Variants in GRIN2B observed in about 807,000 individuals in gnomAD.
GRIN2B encodes the protein glutamate receptor ionotropic, NMDA 2B.
In GRIN2B, 5 loss-of-function variants were observed where a neutral mutation model predicts 114.5. The observed-to-expected ratio is 0.04, with a 90% CI of 0.02 to 0.09. The LOEUF (loss-of-function observed/expected upper bound fraction) is 0.09, where lower values mean the gene tolerates loss of function less well. Ranked by LOEUF, GRIN2B falls within the 10% of genes least tolerant of loss-of-function variation. The probability of loss-of-function intolerance (pLI) is 1.00; values close to 1 mark genes in which losing one functional copy is unlikely to be tolerated. For synonymous variants in GRIN2B, 787 were observed against 745.1 expected (o/e 1.06, Z -0.92); for missense variants, 1,108 against 1,943.5 (o/e 0.57, Z 8.08).
intron 2 of GRIN2B, among the ~76,000 whole-genome samples, chr12:13,875,777 T>A (rs537323353): frequency 2.0e-4 from 31 of 152,318 alleles, no homozygotes; most frequent in African/African-American, 7.5e-4. Context: ...TAACTGCAAG[T>A]CCTTTATCTG....
intron 3 of GRIN2B, among the ~76,000 whole-genome samples, chr12:13,774,685 GCAAA>G (rs1863970067): frequency 6.6e-6 from 1 of 152,140 alleles, no homozygotes. Flanking sequence ...GACATGTCTG[GCAAA>G]CAGTTTAGCT....
chr12:13,586,747 G>C (rs781412289), intron 10 of GRIN2B, among the ~76,000 whole-genome samples: 18 of 152,286 alleles, frequency 1.2e-4, no homozygotes, highest in Non-Finnish European at 2.5e-4. Context: ...TTCTATCTGG[G>C]ATTCTAAATG....
At chr12:13,975,790 C>T (rs532652379) in intron 2 of GRIN2B, among the ~76,000 whole-genome samples, 1 of 152,310 alleles carries the variant, frequency 6.6e-6, no homozygotes, top group South Asian at 2.1e-4. Context: ...GGCATATAAA[C>T]AAAGTCAGGA....
chr12:13,546,849 A>G lies in GRIN2B; in HGVS notation c.*15934T>C, dbSNP rs1417137231. On this transcript the variant is annotated 3_prime_UTR_variant, in exon 14 of 14. Coordinates refer to ENST00000609686, the MANE Select transcript of GRIN2B (RefSeq NM_000834.5). ...AAGAGAGAACAAGAAAAGCCACAAA[A>G]TACCTCCACATACACAACAGGCATC... The G allele has an allele frequency of 6.6e-6, 1 of 152,104 alleles. No homozygotes were observed. The highest frequency in any genetic ancestry group is 1.5e-5 in the Non-Finnish European group (1 of 68,058). 9.4% of individuals were successfully genotyped at this position (152,104 alleles called of 1,614,324 possible). A position where few individuals can be genotyped will look rare whatever the true frequency, so the allele number is the denominator to read the frequency against.
chr12:13,730,739 A>G (rs1863074521), intron 4 of GRIN2B, among the ~76,000 whole-genome samples: 1 of 152,198 alleles, frequency 6.6e-6, no homozygotes, highest in Admixed American at 6.5e-5. Context: ...TGTTTATAAA[A>G]TGATCAAACA....
chr12:13,567,990 C>CAG (rs979020721), intron 12 of GRIN2B, among the ~76,000 whole-genome samples: 2 of 151,782 alleles, frequency 1.3e-5, no homozygotes, highest in Admixed American at 6.6e-5. Context: ...AGAAGACAAG[C>CAG]AGAGAGAGAT....
intron 4 of GRIN2B, among the ~76,000 whole-genome samples, chr12:13,731,322 A>G (rs1404353530): frequency 6.6e-6 from 1 of 152,080 alleles, no homozygotes; most frequent in Non-Finnish European, 1.5e-5. Context: ...CAATCTTAAA[A>G]TCCAAAAGCC....
intron 2 of GRIN2B, among the ~76,000 whole-genome samples, chr12:13,955,921 T>C (rs1253455153): frequency 1.3e-5 from 2 of 152,094 alleles, no homozygotes; most frequent in Non-Finnish European, 1.5e-5. Context: ...CAGACGCGTA[T>C]ATTAATAACT....
intron 3 of GRIN2B, among the ~76,000 whole-genome samples, chr12:13,863,152 C>T (rs1029773194): frequency 5.9e-5 from 9 of 152,276 alleles, no homozygotes; most frequent in African/African-American, 2.2e-4. Flanking sequence ...ATTACAGTGA[C>T]CTAGAAGAAT....
At chr12:13,691,775 T>G (rs1006577320) in intron 4 of GRIN2B, among the ~76,000 whole-genome samples, 20 of 152,122 alleles carry the variant, frequency 1.3e-4, no homozygotes, top group Non-Finnish European at 2.6e-4. Context: ...TGCAGCATGC[T>G]GGATAACATC....
chr12:13,710,015 A>G (rs1299414744), intron 4 of GRIN2B, among the ~76,000 whole-genome samples: 3 of 151,998 alleles, frequency 2.0e-5, no homozygotes, highest in African/African-American at 4.8e-5. Flanking sequence ...AAAAACTAGA[A>G]ACAGCCCAAA....
chr12:13,811,461 T>C (rs960791663), intron 3 of GRIN2B, among the ~76,000 whole-genome samples: 3 of 152,164 alleles, frequency 2.0e-5, no homozygotes, highest in Non-Finnish European at 4.4e-5. Flanking sequence ...TGTGCCTGCA[T>C]TTTCAGCTAC....
At chr12:13,923,247 C>T (rs555363834) in intron 2 of GRIN2B, among the ~76,000 whole-genome samples, 3 of 152,250 alleles carry the variant, frequency 2.0e-5, no homozygotes, top group South Asian at 4.1e-4. Flanking sequence ...GTAAGAAACA[C>T]CACAATAGAT....
At chr12:13,873,114 A>G (rs943018960) in intron 2 of GRIN2B, among the ~76,000 whole-genome samples, 1 of 152,250 alleles carries the variant, frequency 6.6e-6, no homozygotes, top group Non-Finnish European at 1.5e-5. Context: ...TCAATTCTGC[A>G]GAACAGATCC....
chr12:13,941,158 C>G (rs753129437), intron 2 of GRIN2B, among the ~76,000 whole-genome samples: 1 of 152,106 alleles, frequency 6.6e-6, no homozygotes, highest in Non-Finnish European at 1.5e-5. Flanking sequence ...TTGGATAGAG[C>G]TGGGCCAGTT....
chr12:13,955,790 C>A (rs1044514537), intron 2 of GRIN2B, among the ~76,000 whole-genome samples: 1 of 152,114 alleles, frequency 6.6e-6, no homozygotes, highest in Admixed American at 6.5e-5. Context: ...AATTAAGACA[C>A]AAAGAGCCAT....
At chr12:13,972,803 A>C (rs1481047345) in intron 2 of GRIN2B, among the ~76,000 whole-genome samples, 1 of 152,218 alleles carries the variant, frequency 6.6e-6, no homozygotes, top group Non-Finnish European at 1.5e-5. Context: ...ACACACAGAG[A>C]CCACATGCAT....
chr12:13,586,534 T>C (rs1018569256), intron 10 of GRIN2B, among the ~76,000 whole-genome samples: 4 of 152,200 alleles, frequency 2.6e-5, no homozygotes, highest in Non-Finnish European at 4.4e-5. Context: ...AGGGGACTCC[T>C]GTGCCTGTCT....
At chr12:13,684,252 A>G (rs1565499341) in intron 4 of GRIN2B, among the ~76,000 whole-genome samples, 1 of 152,162 alleles carries the variant, frequency 6.6e-6, no homozygotes, top group Non-Finnish European at 1.5e-5. Context: ...ATTCCTCAAA[A>G]TGATCCCCCT....
Sources: gnomAD v4.1 joint callset for allele counts (sites outside exome capture counted in the v4.1 genomes callset) on GRCh38, gnomAD v4.1.1 for gene constraint, MANE v1.5 for transcripts, NCBI Gene and HGNC (gene_info 2026-07-23, HGNC 2026-07-21) for gene names.